Variants in ATG2A observed in about 807,000 individuals in gnomAD.
ATG2A encodes the protein autophagy related 2A.
A neutral mutation model predicts 214.2 loss-of-function variants in ATG2A; 103 were observed. The ratio of observed to expected loss-of-function variants is 0.48; its 90% CI spans 0.41 to 0.57. The LOEUF (loss-of-function observed/expected upper bound fraction) is 0.57. Among genes scored for constraint, ATG2A ranks in the 20% least tolerant of loss-of-function variants. The pLI is 0.00. For missense variants in ATG2A, 2,312 were observed against 2,613.2 expected, an observed-to-expected ratio of 0.88 and a Z score of 2.51; for synonymous variants, 1,160 against 1,142.1, an observed-to-expected ratio of 1.02 and a Z score of -0.32.
chr11:64,912,453 T>TAGGCCC (rs1331721109), intron 6 of ATG2A, 30 bp from the exon 7 acceptor site: 1 of 1,525,058 alleles, frequency 6.6e-7, no homozygotes, highest in Non-Finnish European at 8.8e-7. Context: ...CCATGGAGCC[T>TAGGCCC]AGGCCCACCA....
At position 64,910,917 on chromosome 11, in the gene ATG2A, G is replaced by A. The variant is rs762796502; in HGVS notation, c.1504C>T (p.Arg502Trp). Residue 502 changes from arginine to tryptophan, a missense_variant, in exon 11 of 41, where the codon CGG (arginine) becomes TGG (tryptophan). Coordinates refer to ENST00000377264, the MANE Select transcript of ATG2A (RefSeq NM_015104.3). The stretch of plus-strand genomic sequence containing the variant: ...GTCCGCCGGCCCCGACTGCCCGTCC[G>A]CAGCTCCCAGGACAGCTGCACGGCT... ...GTAVQLSWEL[R>W]TGSRGRRTTS... 1.2e-5 allele frequency: 20 copies of A among 1,612,914 alleles called. No individual in the cohort carries two copies. Among genetic ancestry groups the A allele is most frequent in the South Asian group, 9.9e-5 (9 of 91,032 alleles).
Position 64,902,119 on chromosome 11 carries a change from C to G in ATG2A, c.3962G>C (p.Ser1321Thr). ...ISVYLFPGER[S>T]GAPPPSPPVG... is the part of the protein sequence containing the mutation. Reference sequence around the variant, plus strand: ...AGGTGGTGAAGGGGGTGGGGCCCCACTCCGTTCACCTGGGAATAGGTAGAC... The same window carrying G: ...AGGTGGTGAAGGGGGTGGGGCCCCAGTCCGTTCACCTGGGAATAGGTAGAC... Residue 1321 changes from serine to threonine, a missense_variant, in exon 29 of 41, where the codon AGT (serine) becomes ACT (threonine). Coordinates refer to ENST00000377264, the MANE Select transcript of ATG2A (RefSeq NM_015104.3). The G allele has an allele frequency of 1.2e-6, 2 of 1,613,804 alleles. No individual in the cohort carries two copies. The highest frequency in any genetic ancestry group is 1.7e-6 in the Non-Finnish European group (2 of 1,179,984).
chr11:64,896,290 G>A (rs951436952), intron 39 of ATG2A, among the ~76,000 whole-genome samples, 172 bp downstream of exon 39: 1 of 152,236 alleles, frequency 6.6e-6, no homozygotes, highest in Non-Finnish European at 1.5e-5. Flanking sequence ...GACCTGGCTT[G>A]GAGGTCCCAG....
In ATG2A at chr11:64,910,520, G is replaced by A. The variant is rs1235716820; in HGVS notation, c.1707+96C>T. ...GAGAGATGTGGAGCACAGGGGAAGAGGGACAGGGCTGGGCAGCAGAGGAGG... is the reference window on the plus strand; with the variant it reads ...GAGAGATGTGGAGCACAGGGGAAGAAGGACAGGGCTGGGCAGCAGAGGAGG... On this transcript the variant is annotated intron_variant, in intron 12 of 40. Coordinates refer to ENST00000377264, the MANE Select transcript of ATG2A (RefSeq NM_015104.3). 6 of 1,374,722 alleles carry A rather than the reference G, an allele frequency of 4.4e-6. No homozygotes were observed. The East Asian group carries it at 7.5e-5, about 17-fold the overall frequency. 85.2% of individuals were successfully genotyped at this position (1,374,722 alleles called of 1,614,324 possible).
rs1372064517 is a variant in ATG2A at position 64,909,360 on chromosome 11, A to G, written c.2115T>C (p.Tyr705=). Residue 705 remains tyrosine, a synonymous_variant, in exon 15 of 41, where the codon TAT becomes TAC. Transcript: ENST00000377264. The part of the protein sequence containing the change: ...ELTCSDLHGI[Y]EDGGKPPVPC... ...GGACAGGTGGCTTCCCTCCATCTTCATAGATACCTGGAGGGGGATGGGGAA... is the reference window on the plus strand; with the variant it reads ...GGACAGGTGGCTTCCCTCCATCTTCGTAGATACCTGGAGGGGGATGGGGAA... The G allele has an allele frequency of 6.2e-7, 1 of 1,612,562 alleles. No homozygotes were observed. The highest frequency in any genetic ancestry group is 1.1e-5 in the South Asian group (1 of 91,044).
rs1386759935 is a variant in ATG2A at position 64,900,909 on chromosome 11, C to G, written c.4303G>C (p.Asp1435His). 1 of 1,565,732 alleles carries G rather than the reference C, an allele frequency of 6.4e-7. No individual in the cohort carries two copies. The highest frequency in any genetic ancestry group is 8.7e-7 in the Non-Finnish European group (1 of 1,155,908). The change falls in exon 30 of 41, where the codon GAC becomes CAC. Residue 1435 changes from aspartate to histidine, a missense_variant. By Grantham distance (81) the Asp-to-His change is moderately conservative. Transcript: ENST00000377264. The stretch of plus-strand genomic sequence containing the variant: ...CTGTGGCCGGGGTGGGGGCCAAAGT[C>G]TCGGCCCCCATAGAGGTGCCAGACG... ...SLVWHLYGGR[D>H]FGPHPGHRAR...
At position 64,901,148 on chromosome 11, in the gene ATG2A, C is replaced by T; in HGVS notation, c.4120-56G>A. 2.7e-6 allele frequency: 4 copies of T among 1,502,444 alleles called. No homozygotes were observed. The South Asian group carries it at 5.1e-5, about 19-fold the overall frequency. 93.1% of individuals were successfully genotyped at this position (1,502,444 alleles called of 1,614,324 possible). A position where few individuals can be genotyped will look rare whatever the true frequency, so the allele number is the denominator to read the frequency against. The stretch of plus-strand genomic sequence containing the variant: ...AGATGTTCGATCCAGCCCAGCTGCC[C>T]CCAGCCCCAGCAACCTGGCCTCACT... On this transcript the variant is annotated intron_variant, in intron 29 of 40. Transcript: ENST00000377264.
At position 64,907,818 on chromosome 11, in the gene ATG2A, G is replaced by A; in HGVS notation, c.2437C>T (p.Leu813=). The change falls in exon 17 of 41, where the codon CTG becomes TTG. Residue 813 remains leucine (L), a synonymous_variant. Transcript: ENST00000377264. The part of the protein sequence containing the change: ...SRTLALSRCS[L]EVILPSVHIF... ...TGGACACTGGGCAGGATCACTTCCA[G>A]GCTGCAGCGGGACAGTGCCAGGGTC... 6.2e-7 allele frequency: 1 copy of A among 1,613,466 alleles called. No homozygotes were observed. Among genetic ancestry groups the A allele is most frequent in the Non-Finnish European group, 8.5e-7 (1 of 1,179,972 alleles).
rs1944331844 is a variant in ATG2A at position 64,900,958 on chromosome 11, C to T, written c.4254G>A (p.Arg1418=). ...APAHFPVPST[R]VVLREVSLVW... The stretch of plus-strand genomic sequence containing the variant: ...CGAGGGAGACCTCACGTAGCACCAC[C>T]CGAGTGCTGGGCACTGGGAAATGGG... The change falls in exon 30 of 41, where the codon CGG becomes CGA. Residue 1418 remains arginine, a synonymous_variant. Coordinates refer to ENST00000377264, the MANE Select transcript of ATG2A (RefSeq NM_015104.3). The T allele has an allele frequency of 6.3e-7, 1 of 1,583,404 alleles. No individual in the cohort carries two copies. Among genetic ancestry groups the T allele is most frequent in the Non-Finnish European group, 8.6e-7 (1 of 1,165,206 alleles).
intron 20 of ATG2A, 56 bp from the exon 21 acceptor site, chr11:64,906,589 A>T (rs1413733062): frequency 1.2e-6 from 2 of 1,608,634 alleles, no homozygotes; most frequent in African/African-American, 2.7e-5. Context: ...CACTCCACCC[A>T]GGGCCCACAT....
chr11:64,902,531 C>T lies in ATG2A; in HGVS notation c.3762G>A (p.Glu1254=), dbSNP rs958184441. 1 of 1,544,364 alleles carries T rather than the reference C, an allele frequency of 6.5e-7. No homozygotes were observed. Among genetic ancestry groups the T allele is most frequent in the East Asian group, 2.4e-5 (1 of 40,870 alleles). Reference sequence around the variant, plus strand: ...TCACCTGTACCTTCTGGCCGGCGATCTCCGTGGGGCTGGGGGGCCGGGGTG... The same window carrying T: ...TCACCTGTACCTTCTGGCCGGCGATTTCCGTGGGGCTGGGGGGCCGGGGTG... ...HPPPRPPSPT[E]IAGQKLSESP... Residue 1254 remains glutamate (E), a synonymous_variant, in exon 27 of 41, where the codon GAG becomes GAA. Transcript: ENST00000377264.
At chr11:64,914,982 G>A (rs1339722112) in intron 1 of ATG2A, among the ~76,000 whole-genome samples, 1 of 151,806 alleles carries the variant, frequency 6.6e-6, no homozygotes. Context: ...AAAGGGAGGG[G>A]GGATAGGCGC....
chr11:64,907,369 T>C lies in ATG2A; in HGVS notation c.2718A>G (p.Ala906=). The C allele has an allele frequency of 6.4e-7, 1 of 1,562,058 alleles. No individual in the cohort carries two copies. Among genetic ancestry groups the C allele is most frequent in the Non-Finnish European group, 8.7e-7 (1 of 1,153,442 alleles). ...GGGCAGCGGCCTGTGGGCCACCTGA[T>C]GCCCCCACTGAGAAGAAGTGGGCAT... ...DEDAHFFSVG[A]SGGPQAAAPE... Residue 906 remains alanine (A), a synonymous_variant, in exon 19 of 41, where the codon GCA becomes GCG. Transcript: ENST00000377264.
At position 64,902,350 on chromosome 11, in the gene ATG2A, G is replaced by C. The variant is rs752478622; in HGVS notation, c.3814C>G (p.Pro1272Ala). 2.5e-6 allele frequency: 4 copies of C among 1,601,294 alleles called. No homozygotes were observed. Among genetic ancestry groups the C allele is most frequent in the South Asian group, 1.1e-5 (1 of 89,542 alleles). ...ESPASLPSCP[P>A]VETALINQRD... Reference sequence around the variant, plus strand: ...TGGTTGATGAGGGCCGTCTCCACTGGGGGGCACGAGGGCAGAGAGGCAGGA... The same window carrying C: ...TGGTTGATGAGGGCCGTCTCCACTGCGGGGCACGAGGGCAGAGAGGCAGGA... Residue 1272 changes from proline (P) to alanine (A), a missense_variant, in exon 28 of 41, where the codon CCA becomes GCA. Transcript: ENST00000377264.
chr11:64,894,859 C>T lies in ATG2A; in HGVS notation c.*114G>A. ...GCAACGGGCAGGCTGGGAAGGCGTC[C>T]TTCACAGTGGCCATCCCCTGAAGGG... On this transcript the variant is annotated 3_prime_UTR_variant, in exon 41 of 41. Transcript: ENST00000377264. 1 of 1,271,106 alleles carries T rather than the reference C, an allele frequency of 7.9e-7. No homozygotes were observed. The highest frequency in any genetic ancestry group is 1.1e-6 in the Non-Finnish European group (1 of 880,288). 78.7% of individuals were successfully genotyped at this position (1,271,106 alleles called of 1,614,324 possible).
In ATG2A at chr11:64,897,688, C is replaced by T. The variant is rs775727990; in HGVS notation, c.5050G>A (p.Val1684Ile). Residue 1684 changes from valine to isoleucine, a missense_variant, in exon 36 of 41, where the codon GTC becomes ATC. Transcript: ENST00000377264. ...CCACTTACCACCTGGTCCATCGTGA[C>T]GTGCTTGCCATGGTAATCCAGCCAG... ...PIWLDYHGKHVTMDQVGTFAG... is the reference protein window; with the variant it reads ...PIWLDYHGKHITMDQVGTFAG... 23 of 1,614,242 alleles carry T rather than the reference C, an allele frequency of 1.4e-5. No individual in the cohort carries two copies. Among genetic ancestry groups the T allele is most frequent in the Admixed American group, 6.7e-5 (4 of 60,030 alleles).
rs148409083 is a variant in ATG2A at position 64,912,200 on chromosome 11, G to C, written c.972C>G (p.Ala324=). The C allele has an allele frequency of 4.3e-6, 7 of 1,613,682 alleles. No individual in the cohort carries two copies. Among genetic ancestry groups the C allele is most frequent in the East Asian group, 2.2e-5 (1 of 44,896 alleles). The part of the protein sequence containing the change: ...DKLNKSRPLG[A]EDLWLIEQDL... Reference sequence around the variant, plus strand: ...CCTGCTCAATCAGCCACAGGTCTTCGGCACCTAGCGGGCGGCTCTTGTTCA... The same window carrying C: ...CCTGCTCAATCAGCCACAGGTCTTCCGCACCTAGCGGGCGGCTCTTGTTCA... The change falls in exon 8 of 41, where the codon GCC becomes GCG. Residue 324 remains alanine (A), a synonymous_variant. Transcript: ENST00000377264.
chr11:64,907,484 T>TG, intron 18 of ATG2A, 41 bp downstream of exon 18: 1 of 1,611,142 alleles, frequency 6.2e-7, no homozygotes, highest in South Asian at 1.1e-5. Flanking sequence ...TTCCCAGACC[T>TG]GGGGGTCCTC....
intron 14 of ATG2A, 82 bp downstream of exon 14, chr11:64,909,599 T>A: frequency 1.3e-6 from 2 of 1,569,124 alleles, no homozygotes; most frequent in South Asian, 2.3e-5. Flanking sequence ...GGGTTGTGAC[T>A]GGGCCCCTTC....
Sources: allele counts gnomAD v4.1 joint callset (sites outside exome capture counted in the v4.1 genomes callset), GRCh38; gene constraint gnomAD v4.1.1; transcripts MANE v1.5; gene names NCBI Gene and HGNC (gene_info 2026-07-23, HGNC 2026-07-21).